The following DLGAP2 variants were observed in gnomAD, a reference collection of about 807,000 sequenced individuals.
DLGAP2 encodes DLG associated protein 2.
DLGAP2 carries 26 observed loss-of-function variants against 100.3 expected under a neutral mutation model. The observed-to-expected ratio is 0.26, with a 90% CI of 0.19 to 0.36. The LOEUF is 0.36. DLGAP2 is among the 10% of genes least tolerant of loss of function. The pLI, the probability that DLGAP2 is intolerant of heterozygous loss-of-function variation, is 1.00. For synonymous variants in DLGAP2, 886 were observed against 630.1 expected (o/e 1.41, Z -6.08); for missense variants, 1,858 against 1,453.2 (o/e 1.28, Z -4.53).
At chr8:1,337,302 GGAT>G (rs2117072765) in intron 3 of DLGAP2, among the ~76,000 whole-genome samples, 1 of 136,946 alleles carries the variant, frequency 7.3e-6, no homozygotes, top group East Asian at 2.3e-4. Flanking sequence ...GTGATGATGA[GGAT>G]GATGTGATGG....
At chr8:1,202,396 G>T (rs1797898882) in intron 2 of DLGAP2, among the ~76,000 whole-genome samples, 1 of 152,090 alleles carries the variant, frequency 6.6e-6, no homozygotes, top group African/African-American at 2.4e-5. Flanking sequence ...CGTCCATGCT[G>T]TTGTGGGGCG....
At chr8:997,287 T>C (rs886067863) in intron 2 of DLGAP2, among the ~76,000 whole-genome samples, 1 of 152,238 alleles carries the variant, frequency 6.6e-6, no homozygotes, top group Admixed American at 6.5e-5. Flanking sequence ...AATTAATTCA[T>C]GAAAATTACA....
At chr8:1,640,222 G>C (rs1420126587) in intron 8 of DLGAP2, among the ~76,000 whole-genome samples, 1 of 152,098 alleles carries the variant, frequency 6.6e-6, no homozygotes, top group African/African-American at 2.4e-5. Flanking sequence ...TGATGAAGAG[G>C]AGCCAAATCT....
rs139133069 is a variant in DLGAP2, at chr8:1,410,677, C to T, written c.107-90689C>T. ...GCAGCACATAAGTGTGTTTCACGCA[C>T]GGCATCAGGGACACCCCATGGGCCT... is the stretch of plus-strand genomic sequence containing the variant. On this transcript the variant is annotated intron_variant, in intron 3 of 14. Transcript: ENST00000637795. Among the ~76,000 whole-genome samples, 423 of 152,288 alleles carry T rather than the reference C, an allele frequency of 2.8e-3. 1 individual carries two copies. The highest frequency in any genetic ancestry group is 9.2e-3 in the African/African-American group (382 of 41,564).
intron 2 of DLGAP2, among the ~76,000 whole-genome samples, chr8:949,114 C>A (rs1799409988): frequency 2.0e-5 from 3 of 152,174 alleles, no homozygotes; most frequent in Admixed American, 1.3e-4. Flanking sequence ...GAGGTCGTGG[C>A]TCTGGAGAGG....
chr8:1,074,599 C>T (rs756212365), intron 2 of DLGAP2, among the ~76,000 whole-genome samples: 8 of 152,270 alleles, frequency 5.3e-5, no homozygotes, highest in Non-Finnish European at 1.0e-4. Flanking sequence ...CAAGAGCAAG[C>T]CTAGATCAGT....
chr8:809,881 C>T (rs1298403710), intron 1 of DLGAP2, among the ~76,000 whole-genome samples: 3 of 152,164 alleles, frequency 2.0e-5, no homozygotes, highest in Non-Finnish European at 4.4e-5. Flanking sequence ...GTCTGTCGTC[C>T]GTCTGGCTCT....
At chr8:959,182 T>C (rs1334693517) in intron 2 of DLGAP2, among the ~76,000 whole-genome samples, 1 of 152,212 alleles carries the variant, frequency 6.6e-6, no homozygotes, top group African/African-American at 2.4e-5. Context: ...TTAATAAACT[T>C]GCTTATACGT....
At chr8:1,478,665 G>A (rs1799005521) in intron 3 of DLGAP2, among the ~76,000 whole-genome samples, 1 of 151,982 alleles carries the variant, frequency 6.6e-6, no homozygotes, top group South Asian at 2.1e-4. Context: ...TGACACCGGA[G>A]ATGCCCAGGG....
chr8:1,672,678 C>T (rs531891637), intron 10 of DLGAP2, among the ~76,000 whole-genome samples: 2 of 152,264 alleles, frequency 1.3e-5, no homozygotes, highest in South Asian at 2.1e-4. Flanking sequence ...TGCTCTTCCT[C>T]ATGGCTGCCC....
At chr8:1,437,591 C>T (rs1012779581) in intron 3 of DLGAP2, among the ~76,000 whole-genome samples, 3 of 152,098 alleles carry the variant, frequency 2.0e-5, no homozygotes, top group African/African-American at 7.2e-5. Flanking sequence ...TGAATTAATT[C>T]CTTTTGTGAT....
chr8:1,303,874 C>CA (rs1280472594), intron 3 of DLGAP2, among the ~76,000 whole-genome samples: 5 of 152,196 alleles, frequency 3.3e-5, no homozygotes, highest in African/African-American at 1.2e-4. Flanking sequence ...TGCCTCTGGC[C>CA]AGAGCCTGGG....
At chr8:1,236,282 C>T (rs1163219847) in intron 2 of DLGAP2, among the ~76,000 whole-genome samples, 3 of 54,698 alleles carry the variant, frequency 5.5e-5, no homozygotes, top group Non-Finnish European at 1.2e-4. Context: ...CTAGTTCTCT[C>T]ACATGGCGCC....
At chr8:1,633,715 AG>A (rs1446533118) in intron 8 of DLGAP2, among the ~76,000 whole-genome samples, 1 of 152,210 alleles carries the variant, frequency 6.6e-6, no homozygotes, top group African/African-American at 2.4e-5. Flanking sequence ...AAGCAATAAA[AG>A]CTCGAGGCGC....
intron 8 of DLGAP2, among the ~76,000 whole-genome samples, chr8:1,661,838 G>A (rs938432603): frequency 3.3e-5 from 5 of 152,214 alleles, no homozygotes; most frequent in East Asian, 3.8e-4. Context: ...ATAAACATCC[G>A]CCCTATGGGA....
At chr8:1,343,648 T>C (rs750781515) in intron 3 of DLGAP2, among the ~76,000 whole-genome samples, 3 of 152,052 alleles carry the variant, frequency 2.0e-5, no homozygotes, top group Non-Finnish European at 4.4e-5. Context: ...TGTTTTTCCT[T>C]GATAAAAACA....
chr8:1,200,484 G>C (rs1797847097), intron 2 of DLGAP2, among the ~76,000 whole-genome samples: 1 of 152,112 alleles, frequency 6.6e-6, no homozygotes, highest in Non-Finnish European at 1.5e-5. Flanking sequence ...CATCCATCTG[G>C]CCTCGTGCTC....
At chr8:1,125,014 G>A (rs766841065) in intron 2 of DLGAP2, among the ~76,000 whole-genome samples, 13 of 152,202 alleles carry the variant, frequency 8.5e-5, no homozygotes, top group Non-Finnish European at 1.9e-4. Flanking sequence ...CCTCGTCTCT[G>A]ACTGTCCAGC....
At chr8:788,208 C>T (rs946002728) in intron 1 of DLGAP2, among the ~76,000 whole-genome samples, 1 of 152,240 alleles carries the variant, frequency 6.6e-6, no homozygotes, top group South Asian at 2.1e-4. Flanking sequence ...TGAATCTGAT[C>T]CTGTATTTTC....
Sources: gnomAD v4.1 joint callset for allele counts (sites outside exome capture counted in the v4.1 genomes callset) on GRCh38, gnomAD v4.1.1 for gene constraint, MANE v1.5 for transcripts, NCBI Gene and HGNC (gene_info 2026-07-23, HGNC 2026-07-21) for gene names.